Variants in AK9 observed in about 807,000 individuals in gnomAD.
The protein encoded by AK9 is adenylate kinase 9.
Under a neutral mutation model 239.6 loss-of-function variants are expected in AK9, and 191 were observed. That is an observed-to-expected ratio of 0.80 (90% CI 0.71 to 0.90). The LOEUF is 0.90. AK9 is among the 40% of genes least tolerant of loss of function. The pLI is 0.00. For missense variants in AK9, 1,995 were observed against 2,214.7 expected, an observed-to-expected ratio of 0.90 and a Z score of 1.99; for synonymous variants, 689 against 721.0, an observed-to-expected ratio of 0.96 and a Z score of 0.71.
chr6:109,532,168 T>C (rs1421873258), intron 28 of AK9, among the ~76,000 whole-genome samples: 1 of 152,204 alleles, frequency 6.6e-6, no homozygotes, highest in African/African-American at 2.4e-5. Flanking sequence ...TGACACATTT[T>C]TCCATTCTCC....
Position 109,619,119 on chromosome 6 carries a change from G to A in AK9, c.1372C>T (p.Leu458Phe), listed in dbSNP as rs749464829. ...TGTTTTCTAGCTTGCAGTTCCCTGA[G>A]AAGCTTTTCTTTCACAACTTTAATT... ...AAIKVVKEKL[L>F]RELQARKQAE... is the part of the protein sequence containing the mutation. Residue 458 changes from leucine (L) to phenylalanine (F), a missense_variant, in exon 13 of 41, where the codon CTC becomes TTC. Around this residue, in one of 5 missense-constraint regions of AK9, gnomAD observed 1,290 missense variants for 1,392.7 expected, o/e 0.93. Transcript: ENST00000424296. The A allele has an allele frequency of 1.3e-6, 2 of 1,545,038 alleles. No individual in the cohort carries two copies. The highest frequency in any genetic ancestry group is 2.5e-5 in the East Asian group (1 of 40,484).
At chr6:109,592,298 C>T (rs1229873836) in intron 17 of AK9, among the ~76,000 whole-genome samples, 1 of 152,118 alleles carries the variant, frequency 6.6e-6, no homozygotes, top group Non-Finnish European at 1.5e-5. Flanking sequence ...AAAGTTATCT[C>T]AGGGTAAACA....
chr6:109,510,878 G>A (rs575471834), intron 32 of AK9, among the ~76,000 whole-genome samples: 1 of 152,084 alleles, frequency 6.6e-6, no homozygotes, highest in Non-Finnish European at 1.5e-5. Flanking sequence ...AAATTTATCA[G>A]TTCACCTTAG....
At chr6:109,596,850 T>C (rs1791101527) in intron 17 of AK9, among the ~76,000 whole-genome samples, 1 of 152,208 alleles carries the variant, frequency 6.6e-6, no homozygotes, top group African/African-American at 2.4e-5. Flanking sequence ...TTCCTTTGGG[T>C]AGATACCCAG....
rs763853121 is a variant in AK9, at chr6:109,506,503, T to C, written c.4673A>G (p.Asn1558Ser). 2.3e-5 allele frequency: 37 copies of C among 1,608,726 alleles called. No individual in the cohort carries two copies. The East Asian group carries it at 8.0e-4, about 35-fold the overall frequency. The change falls in exon 35 of 41, where the codon AAT becomes AGT. Residue 1558 changes from asparagine to serine, a missense_variant. Asn to Ser is a conservative substitution (Grantham distance 46). Transcript: ENST00000424296. ...AATATTTTTGCGATACTTTACATTA[T>C]TGACAGCTACAATTTGTGCACTATT... ...LHNSAQIVAV[N>S]NVKYRKNIGE...
At position 109,535,824 on chromosome 6, in the gene AK9, G is replaced by A. The variant is rs200139910; in HGVS notation, c.3351-2354C>T. On this transcript the variant is annotated intron_variant, in intron 27 of 40. Transcript: ENST00000424296. ...GATCCAGTTTCAGCTTTCTACATAT[G>A]GCTAGCCAGTTTTCCCAGCACCATT... Among the ~76,000 whole-genome samples, 12 of 152,240 alleles carry A rather than the reference G, an allele frequency of 7.9e-5. 1 individual carries two copies. In the East Asian group the frequency reaches 2.3e-3, roughly 29 times the overall value.
At chr6:109,674,875 T>C (rs1190001853) in intron 2 of AK9, among the ~76,000 whole-genome samples, 1 of 152,224 alleles carries the variant, frequency 6.6e-6, no homozygotes, top group African/African-American at 2.4e-5. Flanking sequence ...AAGGATGGGA[T>C]CCAGCTCTTA....
intron 27 of AK9, among the ~76,000 whole-genome samples, chr6:109,536,881 G>A (rs1246736649): frequency 6.6e-6 from 1 of 152,094 alleles, no homozygotes; most frequent in Non-Finnish European, 1.5e-5. Flanking sequence ...TTTGTCTTTG[G>A]TTCTGCTTAT....
intron 33 of AK9, 74 bp from the exon 34 acceptor site, chr6:109,506,874 C>A (rs1012682776): frequency 3.5e-6 from 5 of 1,435,534 alleles, no homozygotes; most frequent in Non-Finnish European, 4.6e-6. Flanking sequence ...TCTTCCAGAA[C>A]CAGTCTGTCT....
Position 109,633,119 on chromosome 6 carries a change from A to G in AK9, c.1074-16T>C, listed in dbSNP as rs1796310365. The G allele has an allele frequency of 6.4e-7, 1 of 1,553,074 alleles. No homozygotes were observed. The highest frequency in any genetic ancestry group is 1.4e-5 in the African/African-American group (1 of 72,196). On this transcript the variant is annotated splice_polypyrimidine_tract_variant and intron_variant, in intron 11 of 40. Transcript: ENST00000424296. Reference sequence around the variant, plus strand: ...ACCTAGAAAACTTAAAATATGCCATATTAGTAAACAACTGAAAAGATGTAT... The same window carrying G: ...ACCTAGAAAACTTAAAATATGCCATGTTAGTAAACAACTGAAAAGATGTAT...
intron 28 of AK9, among the ~76,000 whole-genome samples, chr6:109,532,660 G>T (rs1305350648): frequency 3.3e-5 from 5 of 152,152 alleles, no homozygotes; most frequent in African/African-American, 1.2e-4. Context: ...ATCAGCTGAT[G>T]ATTTGGGTTG....
chr6:109,667,342 C>T (rs1233748715), intron 5 of AK9, among the ~76,000 whole-genome samples: 2 of 151,290 alleles, frequency 1.3e-5, no homozygotes, highest in African/African-American at 4.9e-5. Flanking sequence ...TTCCATTAAT[C>T]TCATTTTGAA....
intron 9 of AK9, among the ~76,000 whole-genome samples, chr6:109,642,512 T>C (rs1797581025): frequency 1.3e-5 from 2 of 152,120 alleles, no homozygotes; most frequent in South Asian, 4.1e-4. Flanking sequence ...GGAACGTGGG[T>C]GGAAGTGCAG....
At chr6:109,500,845 C>T (rs141301445) in intron 35 of AK9, among the ~76,000 whole-genome samples, 3,520 of 152,194 alleles carry the variant, frequency 0.023, 136 homozygotes, top group African/African-American at 0.078. Context: ...TGGCGAGACC[C>T]TGTCTCTACA....
At chr6:109,630,905 T>C (rs1402932785) in intron 12 of AK9, among the ~76,000 whole-genome samples, 1 of 151,756 alleles carries the variant, frequency 6.6e-6, no homozygotes, top group Non-Finnish European at 1.5e-5. Flanking sequence ...CACATATGTA[T>C]AAAAACATGA....
At position 109,497,558 on chromosome 6, in the gene AK9, T is replaced by C; in HGVS notation, c.5222A>G (p.Glu1741Gly). 1.3e-6 allele frequency: 2 copies of C among 1,595,324 alleles called. No individual in the cohort carries two copies. Among genetic ancestry groups the C allele is most frequent in the Non-Finnish European group, 1.7e-6 (2 of 1,166,134 alleles). Residue 1741 changes from glutamate (E) to glycine (G), a missense_variant, in exon 38 of 41, where the codon GAA becomes GGA. By Grantham distance (98) the Glu-to-Gly change is moderately conservative (BLOSUM62 -2). Around this residue, in one of 5 missense-constraint regions of AK9, gnomAD observed 391 missense variants for 456.0 expected, o/e 0.86. Coordinates refer to ENST00000424296, the MANE Select transcript of AK9 (RefSeq NM_001145128.3). ...GTTAATGCTACCAGGTACTAGAGCT[T>C]CATATCTGGAAGACCAAAAAACAAA... ...VTYKDGNQRY[E>G]ALVPGSINYA...
chr6:109,684,561 A>C (rs1332653633), intron 1 of AK9, among the ~76,000 whole-genome samples: 1 of 143,140 alleles, frequency 7.0e-6, no homozygotes, highest in East Asian at 2.2e-4. Context: ...AGAAAAAAAA[A>C]CAAACAACCC....
chr6:109,519,710 G>A (rs546958196), intron 29 of AK9, among the ~76,000 whole-genome samples: 1 of 151,920 alleles, frequency 6.6e-6, no homozygotes, highest in East Asian at 1.9e-4. Flanking sequence ...CAGGAGGACT[G>A]CTTGAGCCCT....
chr6:109,649,232 T>C (rs1798549162), intron 8 of AK9, among the ~76,000 whole-genome samples: 1 of 151,972 alleles, frequency 6.6e-6, no homozygotes, highest in South Asian at 2.1e-4. Context: ...GTGTTGGAAG[T>C]TCTGGCCAGG....
Sources: allele counts gnomAD v4.1 joint callset (sites outside exome capture counted in the v4.1 genomes callset), GRCh38; gene constraint gnomAD v4.1.1; regional missense constraint gnomAD v4.1.1; transcripts MANE v1.5; gene names NCBI Gene and HGNC (gene_info 2026-07-23, HGNC 2026-07-21).